TFPI: variants seen among roughly 807,000 people sequenced by gnomAD.
The protein encoded by TFPI is anti-convertin.
A neutral mutation model predicts 34.6 loss-of-function variants in TFPI; 15 were observed. The observed-to-expected ratio is 0.43, with a 90% CI of 0.29 to 0.67. TFPI has a LOEUF of 0.67. TFPI is among the 30% of genes least tolerant of loss of function. TFPI has a pLI of 0.15. For missense variants in TFPI, 301 were observed against 364.0 expected, an observed-to-expected ratio of 0.83 and a Z score of 1.41; for synonymous variants, 105 against 120.1, an observed-to-expected ratio of 0.87 and a Z score of 0.82.
chr2:187,506,287 T>C (rs1226843048), intron 1 of TFPI, among the ~76,000 whole-genome samples: 2 of 152,182 alleles, frequency 1.3e-5, no homozygotes, highest in African/African-American at 2.4e-5. Context: ...CCCATAATCC[T>C]GGCTTTCTAA....
chr2:187,488,345 A>C lies in TFPI; in HGVS notation c.350T>G (p.Leu117Trp). 6.4e-7 allele frequency: 1 copy of C among 1,568,524 alleles called. No homozygotes were observed. The highest frequency in any genetic ancestry group is 8.6e-7 in the Non-Finnish European group (1 of 1,163,008). ...GACAAATAAATGTTCACCTTGTTGC[A>C]ATGTTGTCTTTATAATCCTGTTTGC... ...DNANRIIKTT[L>W]QQEKPDFCFL... is the part of the protein sequence containing the mutation. Residue 117 changes from leucine to tryptophan, a missense_variant, in exon 4 of 8, where the codon TTG becomes TGG. Physicochemically the swap from Leu to Trp is moderately conservative, Grantham distance 61. Transcript: ENST00000233156.
At chr2:187,533,867 C>T (rs1688106399) in intron 1 of TFPI, among the ~76,000 whole-genome samples, 1 of 152,108 alleles carries the variant, frequency 6.6e-6, no homozygotes, top group Non-Finnish European at 1.5e-5. Context: ...TAGGAAAGAA[C>T]ATAAATGACC....
chr2:187,538,039 C>T (rs1436619042), intron 1 of TFPI, among the ~76,000 whole-genome samples: 1 of 152,146 alleles, frequency 6.6e-6, no homozygotes, highest in Admixed American at 6.5e-5. Flanking sequence ...AGTGAGATAC[C>T]ATCTCACACC....
intron 3 of TFPI, among the ~76,000 whole-genome samples, chr2:187,489,631 A>G (rs1048215584): frequency 6.6e-6 from 1 of 151,586 alleles, no homozygotes; most frequent in Non-Finnish European, 1.5e-5. Context: ...TGATTTACCT[A>G]TTGACAATAG....
chr2:187,467,753 C>CT lies in TFPI; in HGVS notation c.807dup (p.Gly270ArgfsTer13). The CT allele has an allele frequency of 6.3e-7, 1 of 1,594,762 alleles. No individual in the cohort carries two copies. Among genetic ancestry groups the CT allele is most frequent in the Non-Finnish European group, 8.5e-7 (1 of 1,171,056 alleles). ...TTAATGGGAAGAGTATCTTCTATAC[C>CT]TTTTTTACATGCCCTCAGACATTCT... On this transcript the variant is annotated frameshift_variant and splice_region_variant, in exon 7 of 8. Coordinates refer to ENST00000233156, the MANE Select transcript of TFPI (RefSeq NM_006287.6). LOFTEE classifies it low-confidence loss of function (END_TRUNC).
chr2:187,467,837 A>G lies in TFPI; in HGVS notation c.724T>C (p.Cys242Arg). 6.2e-7 allele frequency: 1 copy of G among 1,612,864 alleles called. No individual in the cohort carries two copies. The highest frequency in any genetic ancestry group is 1.3e-5 in the African/African-American group (1 of 74,984). ...CATCCACTGTACTTAAATGGGCGGC[A>G]TTTCCCAATGACTGAATTGTAGTAG... ...RFYYNSVIGK[C>R]RPFKYSGCGG... Residue 242 changes from cysteine to arginine, a missense_variant, in exon 7 of 8, where the codon TGC (cysteine) becomes CGC (arginine). By Grantham distance (180) the Cys-to-Arg change is radical. Transcript: ENST00000233156.
chr2:187,507,814 A>G (rs1686333701), intron 1 of TFPI, among the ~76,000 whole-genome samples: 1 of 152,168 alleles, frequency 6.6e-6, no homozygotes, highest in Non-Finnish European at 1.5e-5. Context: ...CTTTAGTTTA[A>G]TTAGATCCCA....
intron 1 of TFPI, among the ~76,000 whole-genome samples, chr2:187,508,963 AC>A (rs781449359): frequency 6.6e-5 from 10 of 152,154 alleles, no homozygotes; most frequent in Non-Finnish European, 1.3e-4. Context: ...ATTTTGAGAT[AC>A]GTTCCATCAA....
chr2:187,538,472 A>G (rs1688389849), intron 1 of TFPI, among the ~76,000 whole-genome samples: 1 of 152,214 alleles, frequency 6.6e-6, no homozygotes, highest in East Asian at 1.9e-4. Flanking sequence ...ATTCTCAGCA[A>G]ACTAACACAG....
In TFPI at chr2:187,478,866, T is replaced by G; in HGVS notation, c.628+5258A>C. The G allele has an allele frequency of 4.3e-6, 6 of 1,394,756 alleles. No individual in the cohort carries two copies. In the South Asian group the frequency reaches 5.9e-5, roughly 14 times the overall value. 86.4% of individuals were successfully genotyped at this position (1,394,756 alleles called of 1,614,324 possible). ...CATCTTTATATGTTTAACACTGTGG[T>G]CAATGCTGAGGGTGGGGGAAGTCTA... On this transcript the variant is annotated intron_variant, in intron 6 of 7. Coordinates refer to ENST00000233156, the MANE Select transcript of TFPI (RefSeq NM_006287.6).
intron 3 of TFPI, among the ~76,000 whole-genome samples, chr2:187,488,942 A>T (rs1223697776): frequency 6.6e-6 from 1 of 151,500 alleles, no homozygotes; most frequent in South Asian, 2.1e-4. Flanking sequence ...TCCCTCTAAA[A>T]CTGGAATGTT....
intron 1 of TFPI, among the ~76,000 whole-genome samples, chr2:187,549,239 T>A (rs1221857227): frequency 1.3e-5 from 2 of 152,116 alleles, no homozygotes; most frequent in Non-Finnish European, 2.9e-5. Context: ...GTAAAAAAAT[T>A]GAGCAGGAAC....
intron 1 of TFPI, among the ~76,000 whole-genome samples, chr2:187,552,055 CTGA>C (rs1689116594): frequency 6.6e-6 from 1 of 152,048 alleles, no homozygotes; most frequent in South Asian, 2.1e-4. Context: ...TTAATTTATA[CTGA>C]TAAGATTTTT....
intron 3 of TFPI, among the ~76,000 whole-genome samples, chr2:187,493,941 C>T (rs1165022894): frequency 6.6e-6 from 1 of 152,186 alleles, no homozygotes; most frequent in African/African-American, 2.4e-5. Flanking sequence ...CTTCTGAGCC[C>T]TCCAAACTGT....
At chr2:187,498,755 G>GT (rs1201541956) in intron 2 of TFPI, among the ~76,000 whole-genome samples, 1 of 151,852 alleles carries the variant, frequency 6.6e-6, no homozygotes, top group African/African-American at 2.4e-5. Context: ...AGAAGAGTAT[G>GT]TTTTTCAGGT....
intron 1 of TFPI, among the ~76,000 whole-genome samples, chr2:187,542,620 C>T (rs1398492647): frequency 1.3e-5 from 2 of 152,062 alleles, no homozygotes; most frequent in Non-Finnish European, 2.9e-5. Flanking sequence ...CCTGTAATCC[C>T]AGCACTTTGG....
chr2:187,472,307 T>G (rs920256812), intron 6 of TFPI, among the ~76,000 whole-genome samples: 5 of 152,200 alleles, frequency 3.3e-5, no homozygotes, highest in Admixed American at 1.3e-4. Context: ...GACATATGGA[T>G]TATTATAATT....
At chr2:187,496,609 A>G (rs564750581) in intron 3 of TFPI, among the ~76,000 whole-genome samples, 16 of 152,236 alleles carry the variant, frequency 1.1e-4, no homozygotes, top group African/African-American at 3.6e-4. Flanking sequence ...AGTTGACCGT[A>G]CCTAAAATTT....
At chr2:187,468,616 T>C (rs1233535709) in intron 6 of TFPI, among the ~76,000 whole-genome samples, 1 of 152,110 alleles carries the variant, frequency 6.6e-6, no homozygotes, top group Non-Finnish European at 1.5e-5. Context: ...ATCAGACAGA[T>C]AAGCTGGTTT....
Sources: gnomAD v4.1 joint callset for allele counts (sites outside exome capture counted in the v4.1 genomes callset) on GRCh38, gnomAD v4.1.1 for gene constraint, MANE v1.5 for transcripts, NCBI Gene and HGNC (gene_info 2026-07-23, HGNC 2026-07-21) for gene names.